LRRC37A2: variants seen among roughly 807,000 people sequenced by gnomAD.
The protein encoded by LRRC37A2 is leucine-rich repeat-containing protein 37A2.
Under a neutral mutation model 68.8 loss-of-function variants are expected in LRRC37A2, and 9 were observed. That is an observed-to-expected ratio of 0.13 (90% CI 0.08 to 0.23). The LOEUF (loss-of-function observed/expected upper bound fraction) is 0.23, where lower values mean the gene tolerates loss of function less well. LRRC37A2 is among the 10% of genes least tolerant of loss of function. The pLI is 1.00. For missense variants in LRRC37A2, 168 were observed against 950.4 expected (o/e 0.18, Z 10.82); for synonymous variants, 63 against 367.6 (o/e 0.17, Z 9.48).
At chr17:46,979,929 C>CT in the LRRC37A2 span, among the ~76,000 whole-genome samples, 1 of 152,120 alleles carries the variant, frequency 6.6e-6, no homozygotes, top group Admixed American at 6.5e-5. Context: ...TCCTCCCAGA[C>CT]TTTTTCTATT....
chr17:47,029,957 G>A, the LRRC37A2 span, among the ~76,000 whole-genome samples: 1 of 151,822 alleles, frequency 6.6e-6, no homozygotes, highest in African/African-American at 2.4e-5. Flanking sequence ...TAAGTACTCA[G>A]GAGGCTGAGG....
At chr17:46,721,448 T>C in the LRRC37A2 span, 1 of 621,554 alleles carries the variant, frequency 1.6e-6, no homozygotes, top group Admixed American at 2.9e-5. Flanking sequence ...ACTTCCCTCC[T>C]AACTTTAAGA....
the LRRC37A2 span, among the ~76,000 whole-genome samples, chr17:46,943,560 G>C: frequency 6.6e-6 from 1 of 152,230 alleles, no homozygotes; most frequent in Non-Finnish European, 1.5e-5. Flanking sequence ...CACGCTTCCT[G>C]CGGAATGGGA....
the LRRC37A2 span, chr17:46,973,141 C>T: frequency 2.0e-5 from 3 of 153,218 alleles, no homozygotes; most frequent in African/African-American, 7.3e-5. Context: ...CATGTGTACA[C>T]GTATACCTTG....
chr17:46,970,792 TGG>T, the LRRC37A2 span, among the ~76,000 whole-genome samples: 1 of 152,190 alleles, frequency 6.6e-6, no homozygotes, highest in African/African-American at 2.4e-5. Flanking sequence ...ATGGCTTATG[TGG>T]ATATTAGTTA....
the LRRC37A2 span, among the ~76,000 whole-genome samples, chr17:46,900,202 T>TATATATATACACACAC: frequency 9.9e-6 from 1 of 101,170 alleles, no homozygotes; most frequent in African/African-American, 5.1e-5. Flanking sequence ...TATATATATA[T>TATATATATACACACAC]ACACACACAC....
chr17:46,539,529 G>C (rs1197069501), intron 6 of LRRC37A2, among the ~76,000 whole-genome samples: 2 of 150,820 alleles, frequency 1.3e-5, no homozygotes, highest in Admixed American at 1.3e-4. Flanking sequence ...TTGGGAGGCT[G>C]AGGCAGGTAG....
At chr17:47,017,670 C>T in the LRRC37A2 span, 1 of 1,610,818 alleles carries the variant, frequency 6.2e-7, no homozygotes, top group Non-Finnish European at 8.5e-7. Flanking sequence ...GCGTTGGAGC[C>T]TTGCTGAGAT....
the LRRC37A2 span, among the ~76,000 whole-genome samples, chr17:46,876,073 G>A: frequency 1.2e-3 from 183 of 152,324 alleles, no homozygotes; most frequent in African/African-American, 4.2e-3. Context: ...GTTCAGTCGC[G>A]TAAGTTGTCT....
At chr17:46,986,585 G>A in the LRRC37A2 span, among the ~76,000 whole-genome samples, 6 of 152,124 alleles carry the variant, frequency 3.9e-5, no homozygotes, top group South Asian at 2.1e-4. Context: ...ACTGCCAGCC[G>A]TCACAACAAG....
At chr17:47,011,551 CAAAA>C in the LRRC37A2 span, among the ~76,000 whole-genome samples, 1 of 96,482 alleles carries the variant, frequency 1.0e-5, no homozygotes, top group African/African-American at 3.8e-5. Context: ...GACTCTGTTT[CAAAA>C]AAAAAAAAAA....
chr17:46,938,603 C>T, the LRRC37A2 span: 2 of 1,613,248 alleles, frequency 1.2e-6, no homozygotes, highest in East Asian at 2.2e-5. Flanking sequence ...CCCCAGGGGA[C>T]TCAGAAGAAG....
the LRRC37A2 span, among the ~76,000 whole-genome samples, chr17:46,742,908 T>C: frequency 2.0e-5 from 3 of 151,926 alleles, no homozygotes; most frequent in African/African-American, 7.3e-5. Flanking sequence ...ATATGAAAAA[T>C]TATTCCTATT....
At chr17:46,855,311 A>C in the LRRC37A2 span, among the ~76,000 whole-genome samples, 1 of 152,214 alleles carries the variant, frequency 6.6e-6, no homozygotes, top group Non-Finnish European at 1.5e-5. Flanking sequence ...AAGGCCGCAC[A>C]TTCTTTTCTG....
At chr17:46,993,489 C>G in the LRRC37A2 span, among the ~76,000 whole-genome samples, 1 of 152,268 alleles carries the variant, frequency 6.6e-6, no homozygotes, top group Non-Finnish European at 1.5e-5. Flanking sequence ...TTTAGCGTCA[C>G]AGCCTGCAGC....
At chr17:46,667,129 AG>A in the LRRC37A2 span, among the ~76,000 whole-genome samples, 3 of 116,986 alleles carry the variant, frequency 2.6e-5, no homozygotes, top group Admixed American at 2.8e-4. Context: ...ATCTGCAGAA[AG>A]GTGAGAGAAA....
chr17:46,762,459 C>G, the LRRC37A2 span: 1 of 151,876 alleles, frequency 6.6e-6, no homozygotes, highest in Non-Finnish European at 1.5e-5. Context: ...TATCCTTGAC[C>G]TCCTGAGCAT....
the LRRC37A2 span, among the ~76,000 whole-genome samples, chr17:46,392,420 TC>T: frequency 5.3e-4 from 29 of 54,268 alleles, 1 homozygote; most frequent in South Asian, 1.2e-3. Context: ...TCTCTCTCTC[TC>T]TTTCTTTCTC....
chr17:46,847,573 G>A, the LRRC37A2 span, among the ~76,000 whole-genome samples: 1 of 152,180 alleles, frequency 6.6e-6, no homozygotes, highest in African/African-American at 2.4e-5. Context: ...ACAGGGAGAG[G>A]GACAGGTGAG....
Sources: gnomAD v4.1 joint callset for allele counts (sites outside exome capture counted in the v4.1 genomes callset) on GRCh38, gnomAD v4.1.1 for gene constraint, MANE v1.5 for transcripts, NCBI Gene and HGNC (gene_info 2026-07-23, HGNC 2026-07-21) for gene names.